Variants in SCN4B observed in about 807,000 individuals in gnomAD.
SCN4B encodes sodium channel regulatory subunit beta-4.
In SCN4B, 20 loss-of-function variants were observed where a neutral mutation model predicts 19.6. The observed-to-expected ratio is 1.02, with a 90% CI of 0.72 to 1.48. The LOEUF (loss-of-function observed/expected upper bound fraction) is 1.48. Among genes scored for constraint, SCN4B ranks in the 40% most tolerant of loss-of-function variants. SCN4B has a pLI of 0.00. For synonymous variants in SCN4B, 127 were observed against 122.8 expected (o/e 1.03, Z -0.22); for missense variants, 271 against 287.5 (o/e 0.94, Z 0.42).
chr11:118,143,142 C>T (rs948306824), intron 3 of SCN4B, among the ~76,000 whole-genome samples: 2 of 152,228 alleles, frequency 1.3e-5, no homozygotes, highest in Admixed American at 6.5e-5. Context: ...CCATGCCTCA[C>T]TTCTCCAGCC....
chr11:118,133,606 T>C lies in SCN4B; in HGVS notation c.*3421A>G, dbSNP rs1437011290. 3 of 454,556 alleles carry C rather than the reference T, an allele frequency of 6.6e-6. No homozygotes were observed. The highest frequency in any genetic ancestry group is 1.3e-5 in the Non-Finnish European group (3 of 226,800). 28.2% of individuals were successfully genotyped at this position (454,556 alleles called of 1,614,324 possible). A position where few individuals can be genotyped will look rare whatever the true frequency, so the allele number is the denominator to read the frequency against. On this transcript the variant is annotated 3_prime_UTR_variant, in exon 5 of 5. Coordinates refer to ENST00000324727, the MANE Select transcript of SCN4B (RefSeq NM_174934.4). ...TACATAGGAAAATTGACTATGGGTA[T>C]TGTTGTCATCCAAGCCAGAGGAATA...
At chr11:118,141,103 A>C in intron 4 of SCN4B, 104 bp downstream of exon 4, 1 of 1,287,780 alleles carries the variant, frequency 7.8e-7, no homozygotes, top group Non-Finnish European at 1.1e-6. Context: ...TAGGAATGGG[A>C]ATGGGGGGAA....
At chr11:118,139,955 C>G (rs1248307241) in intron 4 of SCN4B, among the ~76,000 whole-genome samples, 1 of 144,612 alleles carries the variant, frequency 6.9e-6, no homozygotes, top group African/African-American at 2.6e-5. Flanking sequence ...CCAGGCTGGA[C>G]TCAAACTCCT....
At chr11:118,142,772 C>G (rs1948115420) in intron 3 of SCN4B, 1 of 152,218 alleles carries the variant, frequency 6.6e-6, no homozygotes, top group African/African-American at 2.4e-5. Flanking sequence ...ATGACAGCAA[C>G]TAACTCGGGA....
intron 2 of SCN4B, 30 bp downstream of exon 2, chr11:118,145,027 G>T: frequency 6.2e-7 from 1 of 1,608,378 alleles, no homozygotes; most frequent in South Asian, 1.1e-5. Flanking sequence ...AGGGAGGCTG[G>T]GCTGTACTGT....
At position 118,135,618 on chromosome 11, in the gene SCN4B, A is replaced by T. The variant is rs974144530; in HGVS notation, c.*1409T>A. On this transcript the variant is annotated 3_prime_UTR_variant, in exon 5 of 5. Coordinates refer to ENST00000324727, the MANE Select transcript of SCN4B (RefSeq NM_174934.4). ...AAACCCCAATGGGAGCACCTGGCCGACATCTCCAAGATTCAGTCACTGGCC... is the reference window on the plus strand; with the variant it reads ...AAACCCCAATGGGAGCACCTGGCCGTCATCTCCAAGATTCAGTCACTGGCC... 1.1e-5 allele frequency: 5 copies of T among 454,132 alleles called. No homozygotes were observed. The highest frequency in any genetic ancestry group is 1.4e-4 in the East Asian group (2 of 14,368). The allele number at this position is 454,132 out of a possible 1,614,324, so 28.1% of individuals were successfully genotyped here.
chr11:118,147,022 G>A (rs1238974863), intron 1 of SCN4B, among the ~76,000 whole-genome samples: 1 of 152,214 alleles, frequency 6.6e-6, no homozygotes, highest in Non-Finnish European at 1.5e-5. Context: ...ATCCCCTGGA[G>A]AACAGTTACG....
Position 118,136,384 on chromosome 11 carries a change from A to T in SCN4B, c.*643T>A, listed in dbSNP as rs1345144326. ...AGGAACCCTCAAGACCAGGGTGGCC[A>T]GCCCTGGTTGAGAGGGCTTAAAAAC... On this transcript the variant is annotated 3_prime_UTR_variant, in exon 5 of 5. Transcript: ENST00000324727. 1 of 453,684 alleles carries T rather than the reference A, an allele frequency of 2.2e-6. No individual in the cohort carries two copies. 28.1% of individuals were successfully genotyped at this position (453,684 alleles called of 1,614,324 possible).
At position 118,133,836 on chromosome 11, in the gene SCN4B, C is replaced by T. The variant is rs1036062851; in HGVS notation, c.*3191G>A. ...CATGGAGTGACGGAATGCAGGAGCACGGCTGGTCTTCTCTGCCTTTGATTC... is the reference window on the plus strand; with the variant it reads ...CATGGAGTGACGGAATGCAGGAGCATGGCTGGTCTTCTCTGCCTTTGATTC... On this transcript the variant is annotated 3_prime_UTR_variant, in exon 5 of 5. Transcript: ENST00000324727. 1 of 454,472 alleles carries T rather than the reference C, an allele frequency of 2.2e-6. No homozygotes were observed. The highest frequency in any genetic ancestry group is 1.6e-5 in the South Asian group (1 of 64,472). 28.2% of individuals were successfully genotyped at this position (454,472 alleles called of 1,614,324 possible).
rs1177588065 is a variant in SCN4B, at chr11:118,134,786, C to T, written c.*2241G>A. 6.6e-6 allele frequency: 3 copies of T among 454,104 alleles called. No homozygotes were observed. Among genetic ancestry groups the T allele is most frequent in the South Asian group, 4.7e-5 (3 of 64,474 alleles). The allele number at this position is 454,104 out of a possible 1,614,324, so 28.1% of individuals were successfully genotyped here. On this transcript the variant is annotated 3_prime_UTR_variant, in exon 5 of 5. Coordinates refer to ENST00000324727, the MANE Select transcript of SCN4B (RefSeq NM_174934.4). ...AACTATCCCTGCAATTAATACCTGG[C>T]TTCCCAGATCCCTTTCCAAGCCAAA...
At chr11:118,141,826 G>C (rs1323400768) in intron 3 of SCN4B, 1 of 191,992 alleles carries the variant, frequency 5.2e-6, no homozygotes, top group African/African-American at 2.4e-5. Context: ...GGCAATGTTG[G>C]GCAGGTCATT....
chr11:118,141,182 A>T, intron 4 of SCN4B, 25 bp downstream of exon 4: 1 of 1,612,700 alleles, frequency 6.2e-7, no homozygotes, highest in Middle Eastern at 2.0e-4. Flanking sequence ...CTGGGAGGAC[A>T]GGAGTGTGCT....
At chr11:118,146,116 C>T (rs1476675373) in intron 1 of SCN4B, among the ~76,000 whole-genome samples, 1 of 152,154 alleles carries the variant, frequency 6.6e-6, no homozygotes, top group Non-Finnish European at 1.5e-5. Flanking sequence ...CTCCTGAGCC[C>T]TGCAGCCCGG....
At position 118,143,873 on chromosome 11, in the gene SCN4B, G is replaced by C; in HGVS notation, c.423C>G (p.Leu141=). The change falls in exon 3 of 5, where the codon CTC becomes CTG. Residue 141 remains leucine (L), a synonymous_variant. Coordinates refer to ENST00000324727, the MANE Select transcript of SCN4B (RefSeq NM_174934.4). ...GGAGGAAGATGGTGGCGTGGTGCTG[G>C]AGATTATTCTCCTTGGGGTTCTTCA... ...CHVKNPKENN[L]QHHATIFLQV... is the part of the protein sequence containing the mutation. 6.2e-7 allele frequency: 1 copy of C among 1,612,964 alleles called. No homozygotes were observed. Among genetic ancestry groups the C allele is most frequent in the Non-Finnish European group, 8.5e-7 (1 of 1,179,894 alleles).
At position 118,134,118 on chromosome 11, in the gene SCN4B, C is replaced by A. The variant is rs1947957537; in HGVS notation, c.*2909G>T. The A allele has an allele frequency of 2.2e-6, 1 of 454,298 alleles. No individual in the cohort carries two copies. The highest frequency in any genetic ancestry group is 2.0e-5 in the African/African-American group (1 of 50,010). 28.1% of individuals were successfully genotyped at this position (454,298 alleles called of 1,614,324 possible). On this transcript the variant is annotated 3_prime_UTR_variant, in exon 5 of 5. Transcript: ENST00000324727. The stretch of plus-strand genomic sequence containing the variant: ...ATCGGCCTGCCATATGTAGTCTGAG[C>A]CCCATCGGCTGCTCTCCCCAGGCCT...
At chr11:118,144,969 G>A in intron 2 of SCN4B, 88 bp downstream of exon 2, 2 of 1,323,534 alleles carry the variant, frequency 1.5e-6, no homozygotes, top group Non-Finnish European at 2.2e-6. Flanking sequence ...CCATCGCAGT[G>A]GGTCTCAGTC....
intron 1 of SCN4B, among the ~76,000 whole-genome samples, chr11:118,151,668 C>T (rs989205074): frequency 6.6e-6 from 1 of 152,182 alleles, no homozygotes; most frequent in Admixed American, 6.5e-5. Context: ...ATACCTACAC[C>T]GTGTGTCTTA....
rs1268661450 is a variant in SCN4B, at chr11:118,136,435, A to T, written c.*592T>A. 2.2e-6 allele frequency: 1 copy of T among 453,842 alleles called. No individual in the cohort carries two copies. Among genetic ancestry groups the T allele is most frequent in the Admixed American group, 2.3e-5 (1 of 42,554 alleles). The allele number at this position is 453,842 out of a possible 1,614,324, so 28.1% of individuals were successfully genotyped here. A position where few individuals can be genotyped will look rare whatever the true frequency, so the allele number is the denominator to read the frequency against. ...TCTGAGCAGGGGAGGGGATAGGCAGATAGGGTCCCGGGGCAGGGGAAAGGA... is the reference window on the plus strand; with the variant it reads ...TCTGAGCAGGGGAGGGGATAGGCAGTTAGGGTCCCGGGGCAGGGGAAAGGA... On this transcript the variant is annotated 3_prime_UTR_variant, in exon 5 of 5. Transcript: ENST00000324727.
chr11:118,151,973 T>C (rs1418693683), intron 1 of SCN4B, among the ~76,000 whole-genome samples: 1 of 152,218 alleles, frequency 6.6e-6, no homozygotes, highest in African/African-American at 2.4e-5. Flanking sequence ...AGGTCTTCCC[T>C]ACGGAATCTC....
Sources: allele counts gnomAD v4.1 joint callset (sites outside exome capture counted in the v4.1 genomes callset), GRCh38; gene constraint gnomAD v4.1.1; transcripts MANE v1.5; gene names NCBI Gene and HGNC (gene_info 2026-07-23, HGNC 2026-07-21).